TMPRSS4: variants seen among roughly 807,000 people sequenced by gnomAD.
TMPRSS4 encodes transmembrane protease serine 4.
Under a neutral mutation model 56.4 loss-of-function variants are expected in TMPRSS4, and 45 were observed. The observed-to-expected ratio is 0.80, with a 90% CI of 0.63 to 1.02. TMPRSS4 has a LOEUF of 1.02. Ranked by LOEUF, TMPRSS4 falls within the 50% of genes least tolerant of loss-of-function variation. TMPRSS4 has a pLI of 0.00. For synonymous variants in TMPRSS4, 205 were observed against 211.0 expected (o/e 0.97, Z 0.25); for missense variants, 546 against 556.7 (o/e 0.98, Z 0.19).
rs576728862 is a variant in TMPRSS4, at chr11:118,108,930, TG to T, written c.583+37del. 2.2e-4 allele frequency: 350 copies of T among 1,610,798 alleles called. 2 individuals carry two copies. In the African/African-American group the frequency reaches 4.4e-3, roughly 20 times the overall value. On this transcript the variant is annotated intron_variant, in intron 7 of 12. Transcript: ENST00000437212. ...CCCCAATCTCTGAGGGTTTGGGGCC[TG>T]GGCCAGCAATGAGCAGGGAGGAAGA...
At chr11:118,085,156 T>C (rs1467681888) in intron 1 of TMPRSS4, among the ~76,000 whole-genome samples, 1 of 151,998 alleles carries the variant, frequency 6.6e-6, no homozygotes, top group East Asian at 1.9e-4. Flanking sequence ...AGAAGGAAAC[T>C]GGGTCCAGGA....
chr11:118,106,088 C>T (rs1268483398), intron 5 of TMPRSS4: 1 of 152,288 alleles, frequency 6.6e-6, no homozygotes, highest in Non-Finnish European at 1.5e-5. Flanking sequence ...AGCCCAGCCT[C>T]GCTGCAGCCA....
At chr11:118,081,742 A>T (rs1324386142) in intron 1 of TMPRSS4, among the ~76,000 whole-genome samples, 2 of 139,210 alleles carry the variant, frequency 1.4e-5, no homozygotes, top group Non-Finnish European at 3.1e-5. Context: ...TCTTCCTCTA[A>T]ATCTGTATGC....
chr11:118,106,631 C>G (rs572889845), intron 5 of TMPRSS4: 4 of 152,062 alleles, frequency 2.6e-5, no homozygotes, highest in Admixed American at 6.6e-5. Flanking sequence ...ATTACAGGCA[C>G]GCACCATCAT....
Position 118,117,956 on chromosome 11 carries a change from C to A in TMPRSS4, c.*43C>A, listed in dbSNP as rs369180959. On this transcript the variant is annotated 3_prime_UTR_variant, in exon 13 of 13. Coordinates refer to ENST00000437212, the MANE Select transcript of TMPRSS4 (RefSeq NM_019894.4). Reference sequence around the variant, plus strand: ...AGTGCTGGGAGCCGCTTCCTTCCTGCCCTGCCCACCTGGGGATCCCCCAAA... The same window carrying A: ...AGTGCTGGGAGCCGCTTCCTTCCTGACCTGCCCACCTGGGGATCCCCCAAA... 3 of 1,612,218 alleles carry A rather than the reference C, an allele frequency of 1.9e-6. No individual in the cohort carries two copies. The highest frequency in any genetic ancestry group is 1.3e-5 in the African/African-American group (1 of 75,010).
At chr11:118,091,799 G>A (rs1025274424) in intron 1 of TMPRSS4, among the ~76,000 whole-genome samples, 1 of 152,172 alleles carries the variant, frequency 6.6e-6, no homozygotes, top group South Asian at 2.1e-4. Flanking sequence ...AGTTGGGTGT[G>A]AATTACTGTT....
Position 118,098,930 on chromosome 11 carries a change from G to A in TMPRSS4, c.44-55G>A, listed in dbSNP as rs1285105332. On this transcript the variant is annotated intron_variant, in intron 2 of 12. Transcript: ENST00000437212. ...CAGGAGGCTGTGGAGTTTGGCTCAG[G>A]GATCACCAAGTGCTGACTGCATGCT... The A allele has an allele frequency of 1.1e-5, 16 of 1,425,326 alleles. No homozygotes were observed. In the East Asian group the frequency reaches 3.7e-4, roughly 33 times the overall value. The allele number at this position is 1,425,326 out of a possible 1,614,324, so 88.3% of individuals were successfully genotyped here.
Position 118,095,132 on chromosome 11 carries a change from A to C in TMPRSS4, c.43+277A>C, listed in dbSNP as rs1591369826. On this transcript the variant is annotated intron_variant, in intron 2 of 12. Transcript: ENST00000437212. ...TTCATTCAGTCACTCTTATCCTTTC[A>C]GTAAAACTGTACGTACCTGCCATGT... is the stretch of plus-strand genomic sequence containing the variant. The C allele has an allele frequency of 6.3e-6, 3 of 472,676 alleles. No homozygotes were observed. In the East Asian group the frequency reaches 1.2e-4, roughly 19 times the overall value. The allele number at this position is 472,676 out of a possible 1,614,324, so 29.3% of individuals were successfully genotyped here.
chr11:118,097,313 GA>G (rs545562296), intron 2 of TMPRSS4, among the ~76,000 whole-genome samples: 291 of 150,498 alleles, frequency 1.9e-3, no homozygotes, highest in African/African-American at 6.2e-3. Flanking sequence ...TGCTTTGGAA[GA>G]AAAAAAAAGC....
rs1270569831 is a variant in TMPRSS4, at chr11:118,113,320, G to C, written c.795G>C (p.Leu265=). Residue 265 remains leucine, a synonymous_variant, in exon 9 of 13, where the codon CTG becomes CTC. Coordinates refer to ENST00000437212, the MANE Select transcript of TMPRSS4 (RefSeq NM_019894.4). The part of the protein sequence containing the change: ...NWKVRAGSDK[L]GSFPSLAVAK... ...AGGTGCGGGCAGGCTCAGACAAACT[G>C]GGCAGCTTCCCATCCCTGGCTGTGG... 1 of 1,614,030 alleles carries C rather than the reference G, an allele frequency of 6.2e-7. No individual in the cohort carries two copies. The highest frequency in any genetic ancestry group is 1.1e-5 in the South Asian group (1 of 91,070).
intron 1 of TMPRSS4, among the ~76,000 whole-genome samples, chr11:118,091,152 C>T (rs1326709137): frequency 1.3e-5 from 2 of 152,184 alleles, no homozygotes; most frequent in African/African-American, 4.8e-5. Flanking sequence ...ACCCACGTAA[C>T]TAAAACCCAA....
chr11:118,115,397 G>T, intron 11 of TMPRSS4, 117 bp downstream of exon 11: 1 of 1,263,014 alleles, frequency 7.9e-7, no homozygotes, highest in Non-Finnish European at 1.1e-6. Flanking sequence ...GGCACTCAAT[G>T]TGTGATGATG....
In TMPRSS4 at chr11:118,119,063, A is replaced by T; in HGVS notation, c.*1150A>T. ...ATAGTTAAGTCAGATCCTAGATGAA[A>T]TATACTTGTTCATACTGTACTAGGT... On this transcript the variant is annotated 3_prime_UTR_variant, in exon 13 of 13. Coordinates refer to ENST00000437212, the MANE Select transcript of TMPRSS4 (RefSeq NM_019894.4). 1 of 985,442 alleles carries T rather than the reference A, an allele frequency of 1.0e-6. No individual in the cohort carries two copies. Among genetic ancestry groups the T allele is most frequent in the African/African-American group, 1.7e-5 (1 of 57,352 alleles). The allele number at this position is 985,442 out of a possible 1,614,324, so 61.0% of individuals were successfully genotyped here. A position where few individuals can be genotyped will look rare whatever the true frequency, so the allele number is the denominator to read the frequency against.
intron 1 of TMPRSS4, 31 bp downstream of exon 1, chr11:118,077,336 C>A: frequency 3.8e-6 from 6 of 1,586,176 alleles, no homozygotes; most frequent in Non-Finnish European, 5.1e-6. Context: ...TCCCAAGACA[C>A]AGGAAGGGTG....
intron 2 of TMPRSS4, among the ~76,000 whole-genome samples, chr11:118,096,921 A>G (rs199706951): frequency 0.017 from 324 of 18,930 alleles, 45 homozygotes; most frequent in Non-Finnish European, 0.036. Flanking sequence ...GGGAGAGAGA[A>G]AGGAAAGAAA....
intron 7 of TMPRSS4, among the ~76,000 whole-genome samples, chr11:118,111,335 G>A (rs1305577261): frequency 3.3e-5 from 5 of 152,282 alleles, no homozygotes; most frequent in South Asian, 2.1e-4. Context: ...GTCCACTTCC[G>A]AGTCACAAAA....
chr11:118,112,045 T>C (rs1318337159), intron 8 of TMPRSS4, 145 bp downstream of exon 8: 1 of 1,149,936 alleles, frequency 8.7e-7, no homozygotes, highest in African/African-American at 1.6e-5. Context: ...AATGAGACAA[T>C]GGCCATGATG....
chr11:118,115,241 G>A lies in TMPRSS4; in HGVS notation c.1113G>A (p.Met371Ile). The change falls in exon 11 of 13, where the codon ATG becomes ATA. Residue 371 changes from methionine (M) to isoleucine (I), a missense_variant. Coordinates refer to ENST00000437212, the MANE Select transcript of TMPRSS4 (RefSeq NM_019894.4). ...AGGGGGAAGTCACCGAGAAGATGATGTGTGCAGGCATCCCGGAAGGGGGTG... is the reference window on the plus strand; with the variant it reads ...AGGGGGAAGTCACCGAGAAGATGATATGTGCAGGCATCCCGGAAGGGGGTG... ...AYQGEVTEKM[M>I]CAGIPEGGVD... 1.9e-6 allele frequency: 3 copies of A among 1,613,010 alleles called. No individual in the cohort carries two copies. Among genetic ancestry groups the A allele is most frequent in the Non-Finnish European group, 2.5e-6 (3 of 1,179,926 alleles).
chr11:118,110,423 C>A (rs1308830254), intron 7 of TMPRSS4, among the ~76,000 whole-genome samples: 2 of 151,732 alleles, frequency 1.3e-5, no homozygotes, highest in South Asian at 2.1e-4. Flanking sequence ...CTCACTGCAA[C>A]CTCCGCCTCC....
Sources: gnomAD v4.1 joint callset for allele counts (sites outside exome capture counted in the v4.1 genomes callset) on GRCh38, gnomAD v4.1.1 for gene constraint, MANE v1.5 for transcripts, NCBI Gene and HGNC (gene_info 2026-07-23, HGNC 2026-07-21) for gene names.